Variants in NTNG1 observed in about 807,000 individuals in gnomAD.
The protein encoded by NTNG1 is netrin-G1.
Under a neutral mutation model 54.0 loss-of-function variants are expected in NTNG1, and 16 were observed. That is an observed-to-expected ratio of 0.30 (90% confidence interval 0.20 to 0.45). NTNG1 has a LOEUF of 0.45. NTNG1 is among the 20% of genes least tolerant of loss of function. The pLI, the probability that NTNG1 is intolerant of heterozygous loss-of-function variation, is 1.00. For missense variants in NTNG1, 530 were observed against 678.7 expected, an observed-to-expected ratio of 0.78 and a Z score of 2.43; for synonymous variants, 255 against 263.1, an observed-to-expected ratio of 0.97 and a Z score of 0.30.
At chr1:107,367,359 A>C (rs1670660539) in intron 3 of NTNG1, among the ~76,000 whole-genome samples, 1 of 152,190 alleles carries the variant, frequency 6.6e-6, no homozygotes, top group African/African-American at 2.4e-5. Context: ...AAGGGCACTG[A>C]ATCTTCTGAA....
chr1:107,340,490 T>A (rs1291329462), intron 3 of NTNG1, among the ~76,000 whole-genome samples: 1 of 152,090 alleles, frequency 6.6e-6, no homozygotes, highest in East Asian at 1.9e-4. Context: ...CATTTTATAT[T>A]TGTTTAGCAC....
intron 6 of NTNG1, among the ~76,000 whole-genome samples, chr1:107,436,166 ATAAGT>A (rs1397038617): frequency 2.0e-5 from 3 of 152,232 alleles, no homozygotes; most frequent in African/African-American, 7.2e-5. Flanking sequence ...ATATGCATGA[ATAAGT>A]TAAGATGCTG....
chr1:107,417,087 T>A (rs612394), intron 5 of NTNG1, among the ~76,000 whole-genome samples: 3,196 of 152,204 alleles, frequency 0.021, 57 homozygotes, highest in African/African-American at 0.041. Flanking sequence ...CCATTCAATA[T>A]CTACCCATCA....
Position 107,418,523 on chromosome 1 carries a change from G to A in NTNG1, c.1087+10815G>A, listed in dbSNP as rs1674359766. On this transcript the variant is annotated intron_variant, in intron 5 of 7. Transcript: ENST00000370068. ...CTTTATCCATATAATTTTCTGTTTA[G>A]ACCAAATGACATTATAGCTGAAAAT... 2.4e-6 allele frequency: 3 copies of A among 1,261,590 alleles called. No individual in the cohort carries two copies. In the East Asian group the frequency reaches 7.4e-5, roughly 31 times the overall value. The allele number at this position is 1,261,590 out of a possible 1,614,324, so 78.1% of individuals were successfully genotyped here. A position where few individuals can be genotyped will look rare whatever the true frequency, so the allele number is the denominator to read the frequency against.
At chr1:107,353,206 T>C (rs958905739) in intron 3 of NTNG1, among the ~76,000 whole-genome samples, 1 of 152,212 alleles carries the variant, frequency 6.6e-6, no homozygotes, top group Non-Finnish European at 1.5e-5. Flanking sequence ...TTTCCATACT[T>C]TTACACTCTG....
intron 2 of NTNG1, among the ~76,000 whole-genome samples, chr1:107,303,823 A>G (rs1311091046): frequency 6.6e-6 from 1 of 152,134 alleles, no homozygotes; most frequent in East Asian, 1.9e-4. Context: ...AGTAGCTGGG[A>G]CTACAGGCGC....
intron 2 of NTNG1, among the ~76,000 whole-genome samples, chr1:107,165,979 T>G (rs1354614956): frequency 6.6e-6 from 1 of 152,222 alleles, no homozygotes; most frequent in African/African-American, 2.4e-5. Context: ...TGTAGAGCCC[T>G]GGGCTGGGCA....
chr1:107,444,918 C>T (rs1676214537), intron 7 of NTNG1, among the ~76,000 whole-genome samples: 1 of 152,010 alleles, frequency 6.6e-6, no homozygotes, highest in African/African-American at 2.4e-5. Flanking sequence ...TTGGGCCATT[C>T]TTTACACACT....
chr1:107,140,520 A>T (rs1045539410), upstream of NTNG1, among the ~76,000 whole-genome samples: 1 of 152,088 alleles, frequency 6.6e-6, no homozygotes, highest in Non-Finnish European at 1.5e-5. Flanking sequence ...TCTCACTGCC[A>T]TCAGTGCTAT....
At chr1:107,192,900 A>G (rs1041958577) in intron 2 of NTNG1, among the ~76,000 whole-genome samples, 1 of 152,078 alleles carries the variant, frequency 6.6e-6, no homozygotes, top group African/African-American at 2.4e-5. Flanking sequence ...TTCCTGAAAA[A>G]TGAGAATCAT....
chr1:107,223,271 C>G (rs962740338), intron 2 of NTNG1, among the ~76,000 whole-genome samples: 1 of 151,366 alleles, frequency 6.6e-6, no homozygotes, highest in Admixed American at 6.6e-5. Context: ...TCTGTGTGTG[C>G]GCATGTGTGT....
At chr1:107,456,891 C>A (rs1357439508) in intron 7 of NTNG1, among the ~76,000 whole-genome samples, 2 of 152,172 alleles carry the variant, frequency 1.3e-5, no homozygotes, top group Non-Finnish European at 2.9e-5. Flanking sequence ...AATGCCAGGT[C>A]TTAGGTCCAT....
At chr1:107,436,933 G>A (rs994583366) in intron 7 of NTNG1, 134 bp downstream of exon 7, 5 of 752,854 alleles carry the variant, frequency 6.6e-6, no homozygotes, top group East Asian at 2.8e-5. Context: ...ACTTAATGCT[G>A]CGGCCAATGT....
intron 2 of NTNG1, among the ~76,000 whole-genome samples, chr1:107,277,326 C>G (rs1664545288): frequency 1.3e-5 from 2 of 152,120 alleles, no homozygotes; most frequent in African/African-American, 4.8e-5. Flanking sequence ...GATTTCAGAG[C>G]CCACATTTTC....
In NTNG1 at chr1:107,353,371, G is replaced by T. The variant is rs74110612; in HGVS notation, c.887+28449G>T. On this transcript the variant is annotated intron_variant, in intron 3 of 7. Coordinates refer to ENST00000370068, the MANE Select transcript of NTNG1 (RefSeq NM_001113226.3). ...CTAAATCTTCATTCTCAAGTTCAAA[G>T]TTCCACAGATCCCTAGGGCAGGGCA... is the stretch of plus-strand genomic sequence containing the variant. 5.7e-3 allele frequency among the ~76,000 whole-genome samples: 864 copies of T among 152,190 alleles called. 8 individuals carry two copies. Among genetic ancestry groups the T allele is most frequent in the African/African-American group, 0.019 (781 of 41,512 alleles).
chr1:107,261,660 A>G (rs995721604), intron 2 of NTNG1, among the ~76,000 whole-genome samples: 8 of 152,056 alleles, frequency 5.3e-5, no homozygotes, highest in South Asian at 2.1e-4. Context: ...TGGCTAACAC[A>G]GTGAAACCCC....
At chr1:107,163,148 G>T (rs1655533216) in intron 2 of NTNG1, among the ~76,000 whole-genome samples, 1 of 152,098 alleles carries the variant, frequency 6.6e-6, no homozygotes, top group African/African-American at 2.4e-5. Flanking sequence ...AGAGTCAATT[G>T]TCCCTTCTTG....
chr1:107,418,624 G>A lies in NTNG1; in HGVS notation c.1087+10916G>A, dbSNP rs1197987069. 1.0e-5 allele frequency: 16 copies of A among 1,601,908 alleles called. 1 individual carries two copies. The East Asian group carries it at 3.6e-4, about 36-fold the overall frequency. ...GATATGGCCGAATATTTCTTCCCTTGAGGTTTCTAACCCAAAACAAGGTAG... is the reference window on the plus strand; with the variant it reads ...GATATGGCCGAATATTTCTTCCCTTAAGGTTTCTAACCCAAAACAAGGTAG... On this transcript the variant is annotated intron_variant, in intron 5 of 7. Coordinates refer to ENST00000370068, the MANE Select transcript of NTNG1 (RefSeq NM_001113226.3).
At position 107,178,364 on chromosome 1, in the gene NTNG1, G is replaced by GT. The variant is rs112595984; in HGVS notation, c.246+29526dup. 6.3e-4 allele frequency among the ~76,000 whole-genome samples: 96 copies of GT among 152,010 alleles called. 1 individual carries two copies. Among genetic ancestry groups the GT allele is most frequent in the African/African-American group, 2.2e-3 (91 of 41,452 alleles). ...TTTACAAGTAACTCCTATCTTTCTTGTGAGTTTTCATTTGCCCCGTTTCTT... is the reference window on the plus strand; with the variant it reads ...TTTACAAGTAACTCCTATCTTTCTTGTTGAGTTTTCATTTGCCCCGTTTCTT... On this transcript the variant is annotated intron_variant, in intron 2 of 7. Coordinates refer to ENST00000370068, the MANE Select transcript of NTNG1 (RefSeq NM_001113226.3).
Sources: gnomAD v4.1 joint callset for allele counts (sites outside exome capture counted in the v4.1 genomes callset) on GRCh38, gnomAD v4.1.1 for gene constraint, MANE v1.5 for transcripts, NCBI Gene and HGNC (gene_info 2026-07-23, HGNC 2026-07-21) for gene names.